Variants in LAMA2 observed in about 807,000 individuals in gnomAD.
LAMA2 encodes the protein laminin subunit alpha-2.
In LAMA2, 269 loss-of-function variants were observed where a neutral mutation model predicts 364.8. That is an observed-to-expected ratio of 0.74 (90% CI 0.67 to 0.82). LAMA2 has a LOEUF of 0.82. Among genes scored for constraint, LAMA2 ranks in the 40% least tolerant of loss-of-function variants. LAMA2 has a pLI of 0.00. For synonymous variants in LAMA2, 1,379 were observed against 1,370.6 expected, an observed-to-expected ratio of 1.01 and a Z score of -0.14; for missense variants, 3,807 against 3,873.2, an observed-to-expected ratio of 0.98 and a Z score of 0.45.
rs561443391 is a variant in LAMA2 at position 129,267,239 on chromosome 6, G to A, written c.2322+20G>A. On this transcript the variant is annotated intron_variant, in intron 16 of 64. Transcript: ENST00000421865. ...TGCCTGGTAAGTGCTCTCTTCTTTG[G>A]GGATGCTGATTGACAAGGCTGAAAT... is the stretch of plus-strand genomic sequence containing the variant. The A allele has an allele frequency of 1.4e-4, 216 of 1,497,720 alleles. 3 individuals carry two copies. The South Asian group carries it at 2.3e-3, about 16-fold the overall frequency. 92.8% of individuals were successfully genotyped at this position (1,497,720 alleles called of 1,614,324 possible).
intron 9 of LAMA2, among the ~76,000 whole-genome samples, chr6:129,168,702 A>G (rs1240704713): frequency 4.2e-5 from 6 of 143,708 alleles, no homozygotes; most frequent in African/African-American, 1.6e-4. Flanking sequence ...TTCTGTGAAG[A>G]AAGGCATTGG....
intron 1 of LAMA2, among the ~76,000 whole-genome samples, chr6:129,027,458 T>G (rs1785904134): frequency 1.3e-5 from 2 of 152,154 alleles, no homozygotes; most frequent in South Asian, 4.1e-4. Flanking sequence ...ATAAGAACTG[T>G]CAAGTGTTGA....
At chr6:129,468,984 C>T (rs540305570) in intron 51 of LAMA2, among the ~76,000 whole-genome samples, 11 of 151,650 alleles carry the variant, frequency 7.3e-5, no homozygotes, top group Non-Finnish European at 1.6e-4. Flanking sequence ...CAGTTGCAGG[C>T]GATCCAGGCC....
In LAMA2 at chr6:128,938,256, C is replaced by T. The variant is rs192626489; in HGVS notation, c.112+54899C>T. 2.5e-4 allele frequency among the ~76,000 whole-genome samples: 38 copies of T among 152,144 alleles called. 1 individual carries two copies. Among genetic ancestry groups the T allele is most frequent in the Admixed American group, 2.3e-3 (35 of 15,276 alleles). ...ATAATAATAATGAGAGTATCTACCT[C>T]CCTGACTGATTGTGAAGATGAAATG... is the stretch of plus-strand genomic sequence containing the variant. On this transcript the variant is annotated intron_variant, in intron 1 of 64. Coordinates refer to ENST00000421865, the MANE Select transcript of LAMA2 (RefSeq NM_000426.4).
intron 1 of LAMA2, among the ~76,000 whole-genome samples, chr6:129,039,526 AAGTG>A (rs1786926681): frequency 6.6e-6 from 1 of 152,234 alleles, no homozygotes; most frequent in Non-Finnish European, 1.5e-5. Context: ...TTAAAAAAGA[AAGTG>A]AGTTTTAGGG....
At chr6:129,023,101 G>A (rs1440586071) in intron 1 of LAMA2, among the ~76,000 whole-genome samples, 2 of 151,976 alleles carry the variant, frequency 1.3e-5, no homozygotes, top group African/African-American at 4.8e-5. Context: ...TGTTCCTGCT[G>A]CCTCATATTC....
chr6:129,446,125 G>A (rs187703081), intron 45 of LAMA2, among the ~76,000 whole-genome samples: 2 of 151,526 alleles, frequency 1.3e-5, no homozygotes, highest in East Asian at 2.0e-4. Flanking sequence ...CCTTATTATT[G>A]TATACTAAAA....
At chr6:128,933,738 A>G (rs1006796398) in intron 1 of LAMA2, among the ~76,000 whole-genome samples, 3 of 151,978 alleles carry the variant, frequency 2.0e-5, no homozygotes, top group Admixed American at 6.6e-5. Context: ...AAACATGTCT[A>G]TTTTTTAGAT....
chr6:129,121,046 C>T (rs928879615), intron 4 of LAMA2, among the ~76,000 whole-genome samples: 5 of 152,098 alleles, frequency 3.3e-5, no homozygotes, highest in African/African-American at 9.7e-5. Flanking sequence ...TGCACTGAAC[C>T]GTGGAACCAT....
In LAMA2 at chr6:129,455,559, G is replaced by A. The variant is rs566141362; in HGVS notation, c.6708-776G>A. The stretch of plus-strand genomic sequence containing the variant: ...GATTACCAAAGTGAGACAGCAGTCA[G>A]GGAAATATGACATCGAAGTTTTGTT... On this transcript the variant is annotated intron_variant, in intron 47 of 64. Transcript: ENST00000421865. 3.3e-5 allele frequency among the ~76,000 whole-genome samples: 5 copies of A among 152,266 alleles called. No individual in the cohort carries two copies. The South Asian group carries it at 1.0e-3, about 32-fold the overall frequency.
At chr6:128,925,300 G>T (rs1046601561) in intron 1 of LAMA2, among the ~76,000 whole-genome samples, 3 of 152,162 alleles carry the variant, frequency 2.0e-5, no homozygotes, top group Non-Finnish European at 4.4e-5. Context: ...AAAATGTTGT[G>T]CATGTATACG....
chr6:129,402,267 T>C, intron 38 of LAMA2, 57 bp from the exon 39 acceptor site: 1 of 1,364,264 alleles, frequency 7.3e-7, no homozygotes, highest in Admixed American at 1.7e-5. Flanking sequence ...GAGAAATTAG[T>C]AAAAGAGAGG....
intron 29 of LAMA2, among the ~76,000 whole-genome samples, chr6:129,331,486 C>A (rs1269019305): frequency 6.6e-6 from 1 of 152,052 alleles, no homozygotes; most frequent in African/African-American, 2.4e-5. Context: ...ACTGCATGCA[C>A]CCACTTTTCT....
At chr6:129,172,700 C>T (rs1271164740) in intron 9 of LAMA2, among the ~76,000 whole-genome samples, 3 of 152,242 alleles carry the variant, frequency 2.0e-5, no homozygotes, top group African/African-American at 7.2e-5. Context: ...GTGGGCTCCA[C>T]CCAGTTGGAG....
chr6:129,102,849 A>G (rs1213464380), intron 4 of LAMA2, among the ~76,000 whole-genome samples: 1 of 152,252 alleles, frequency 6.6e-6, no homozygotes, highest in African/African-American at 2.4e-5. Flanking sequence ...TTTCTGGGAC[A>G]TTCAGATGAT....
intron 1 of LAMA2, among the ~76,000 whole-genome samples, chr6:128,955,470 T>G (rs1182022652): frequency 6.6e-6 from 1 of 151,966 alleles, no homozygotes; most frequent in Admixed American, 6.6e-5. Context: ...ATGAAAAGTT[T>G]TCGTTATAGA....
At chr6:128,998,556 C>T (rs571263120) in intron 1 of LAMA2, among the ~76,000 whole-genome samples, 5 of 96,254 alleles carry the variant, frequency 5.2e-5, no homozygotes, top group South Asian at 3.3e-4. Flanking sequence ...GTGCGCGAGC[C>T]GAAGCAGGGC....
rs1778857286 is a variant in LAMA2 at position 129,152,306 on chromosome 6, G to A, written c.1028-2199G>A. Among the ~76,000 whole-genome samples the A allele has an allele frequency of 1.3e-5, 2 of 152,102 alleles. 1 individual carries two copies. Among genetic ancestry groups the A allele is most frequent in the South Asian group, 4.1e-4 (2 of 4,822 alleles). ...ATTATGTCCAGGAATTGTATTCAAGGGTTGATAACACACAAGGTTGGTGGC... is the reference window on the plus strand; with the variant it reads ...ATTATGTCCAGGAATTGTATTCAAGAGTTGATAACACACAAGGTTGGTGGC... On this transcript the variant is annotated intron_variant, in intron 7 of 64. Coordinates refer to ENST00000421865, the MANE Select transcript of LAMA2 (RefSeq NM_000426.4).
At chr6:129,178,344 C>G (rs556377820) in intron 10 of LAMA2, among the ~76,000 whole-genome samples, 1 of 152,060 alleles carries the variant, frequency 6.6e-6, no homozygotes, top group African/African-American at 2.4e-5. Flanking sequence ...AGTACAAAGC[C>G]CTAATGGAAT....
Sources: allele counts gnomAD v4.1 joint callset (sites outside exome capture counted in the v4.1 genomes callset), GRCh38; gene constraint gnomAD v4.1.1; transcripts MANE v1.5; gene names NCBI Gene and HGNC (gene_info 2026-07-23, HGNC 2026-07-21).